LRRC28: variants seen among roughly 807,000 people sequenced by gnomAD.
LRRC28 encodes the protein leucine-rich repeat-containing protein 28.
In LRRC28, 39 loss-of-function variants were observed where a neutral mutation model predicts 45.7. That is an observed-to-expected ratio of 0.85 (90% CI 0.66 to 1.12). LRRC28 has a LOEUF of 1.12. LRRC28 is among the 50% of genes most tolerant of loss of function. The probability of loss-of-function intolerance (pLI) is 0.00; values close to 1 mark genes in which losing one functional copy is unlikely to be tolerated. For missense variants in LRRC28, 435 were observed against 438.5 expected, an observed-to-expected ratio of 0.99 and a Z score of 0.07; for synonymous variants, 206 against 178.8, an observed-to-expected ratio of 1.15 and a Z score of -1.22.
intron 6 of LRRC28, among the ~76,000 whole-genome samples, chr15:99,352,066 G>A (rs138451254): frequency 1.6e-3 from 240 of 152,290 alleles, no homozygotes; most frequent in African/African-American, 5.6e-3. Flanking sequence ...TCCCAAGTGA[G>A]GGGTTCTTGC....
Position 99,390,282 on chromosome 15 carries a change from T to C in LRRC28, c.*4180T>C, listed in dbSNP as rs780335760. On this transcript the variant is annotated 3_prime_UTR_variant, in exon 10 of 10. Coordinates refer to ENST00000301981, the MANE Select transcript of LRRC28 (RefSeq NM_144598.5). ...AGGAAAAGAGCTTGCTTCACAGCCT[T>C]TGAAGTATGACTGTATGTGTGGTCC... The C allele has an allele frequency of 2.0e-5, 3 of 152,200 alleles. No homozygotes were observed. Among genetic ancestry groups the C allele is most frequent in the Non-Finnish European group, 4.4e-5 (3 of 68,044 alleles). The allele number at this position is 152,200 out of a possible 1,614,324, so 9.4% of individuals were successfully genotyped here. A position where few individuals can be genotyped will look rare whatever the true frequency, so the allele number is the denominator to read the frequency against.
At chr15:99,352,187 T>C (rs893454700) in intron 6 of LRRC28, among the ~76,000 whole-genome samples, 182 bp from the exon 7 acceptor site, 2 of 152,300 alleles carry the variant, frequency 1.3e-5, no homozygotes, top group African/African-American at 4.8e-5. Context: ...AAAGAATCTG[T>C]ATCAAGGGGC....
chr15:99,296,575 G>T (rs994035777), intron 5 of LRRC28, among the ~76,000 whole-genome samples: 1 of 152,206 alleles, frequency 6.6e-6, no homozygotes, highest in Admixed American at 6.5e-5. Context: ...CTCTGGCAGA[G>T]CATCCTTCTG....
At chr15:99,328,855 T>C (rs1956069012) in intron 5 of LRRC28, among the ~76,000 whole-genome samples, 1 of 151,714 alleles carries the variant, frequency 6.6e-6, no homozygotes, top group Non-Finnish European at 1.5e-5. Context: ...AGGCTTTTGA[T>C]CTCAAACTGA....
chr15:99,334,094 C>T lies in LRRC28; in HGVS notation c.557C>T (p.Ser186Phe). 1 of 1,614,132 alleles carries T rather than the reference C, an allele frequency of 6.2e-7. No individual in the cohort carries two copies. The highest frequency in any genetic ancestry group is 8.5e-7 in the Non-Finnish European group (1 of 1,179,984). Reference sequence around the variant, plus strand: ...CAGCTGCCCAGCCTCAATGAGCTCTCCATGGCTGGAAACCGTCTTGCATTT... The same window carrying T: ...CAGCTGCCCAGCCTCAATGAGCTCTTCATGGCTGGAAACCGTCTTGCATTT... Reference protein sequence around the residue: ...LCQLPSLNELSMAGNRLAFLP... With the variant: ...LCQLPSLNELFMAGNRLAFLP... Residue 186 changes from serine (S) to phenylalanine (F), a missense_variant, in exon 6 of 10, where the codon TCC becomes TTC. Physicochemically the swap from Ser to Phe is radical, Grantham distance 155. Coordinates refer to ENST00000301981, the MANE Select transcript of LRRC28 (RefSeq NM_144598.5).
At chr15:99,322,480 A>G (rs1955833030) in intron 5 of LRRC28, among the ~76,000 whole-genome samples, 1 of 152,098 alleles carries the variant, frequency 6.6e-6, no homozygotes, top group Non-Finnish European at 1.5e-5. Context: ...TGGGGCCCTC[A>G]CCTACCTTTG....
rs1401485244 is a variant in LRRC28 at position 99,389,905 on chromosome 15, T to G, written c.*3803T>G. The G allele has an allele frequency of 6.6e-6, 1 of 152,126 alleles. No individual in the cohort carries two copies. Among genetic ancestry groups the G allele is most frequent in the Non-Finnish European group, 1.5e-5 (1 of 68,086 alleles). 9.4% of individuals were successfully genotyped at this position (152,126 alleles called of 1,614,324 possible). ...GCCGAGGAGGGCAGATCATCTGAGG[T>G]CAGGAGTTTGAGACCAGCCTGGCCA... On this transcript the variant is annotated 3_prime_UTR_variant, in exon 10 of 10. Coordinates refer to ENST00000301981, the MANE Select transcript of LRRC28 (RefSeq NM_144598.5).
chr15:99,311,479 C>A (rs1300054108), intron 5 of LRRC28, among the ~76,000 whole-genome samples: 1 of 151,972 alleles, frequency 6.6e-6, no homozygotes, highest in African/African-American at 2.4e-5. Flanking sequence ...AAATTTCTTC[C>A]TGTTGTTGAT....
chr15:99,311,130 T>G (rs113462698), intron 5 of LRRC28, among the ~76,000 whole-genome samples: 1 of 152,128 alleles, frequency 6.6e-6, no homozygotes, highest in African/African-American at 2.4e-5. Flanking sequence ...AGAAAAGATA[T>G]ATTTCAGCTA....
intron 5 of LRRC28, among the ~76,000 whole-genome samples, chr15:99,321,719 T>C (rs1955803942): frequency 6.6e-6 from 1 of 152,132 alleles, no homozygotes; most frequent in Non-Finnish European, 1.5e-5. Context: ...TGAGGTAGTT[T>C]AAGGAATACA....
intron 2 of LRRC28, chr15:99,258,662 GA>G (rs1162658642): frequency 1.5e-5 from 11 of 737,996 alleles, no homozygotes; most frequent in Non-Finnish European, 2.7e-5. Flanking sequence ...GACCATCCAA[GA>G]AGTAGAAGAT....
intron 7 of LRRC28, among the ~76,000 whole-genome samples, chr15:99,355,124 C>A (rs1021878176): frequency 2.6e-5 from 4 of 152,142 alleles, no homozygotes; most frequent in African/African-American, 7.2e-5. Flanking sequence ...TCATAAAATT[C>A]TTTTGTATTC....
chr15:99,267,368 A>G (rs1227050888), intron 2 of LRRC28, among the ~76,000 whole-genome samples: 2 of 152,220 alleles, frequency 1.3e-5, no homozygotes, highest in Non-Finnish European at 2.9e-5. Context: ...CTAAAAGAGC[A>G]TCATACAGCC....
intron 6 of LRRC28, among the ~76,000 whole-genome samples, chr15:99,337,564 GCTT>G (rs2152298798): frequency 6.6e-6 from 1 of 152,338 alleles, no homozygotes; most frequent in East Asian, 1.9e-4. Context: ...TTACAGAGTA[GCTT>G]CTTCTGTCTC....
At chr15:99,308,743 A>G (rs903308449) in intron 5 of LRRC28, among the ~76,000 whole-genome samples, 4 of 152,216 alleles carry the variant, frequency 2.6e-5, no homozygotes, top group South Asian at 2.1e-4. Context: ...TCTGCATAAC[A>G]AATTACCACA....
intron 5 of LRRC28, among the ~76,000 whole-genome samples, chr15:99,306,720 G>T (rs557748160): frequency 6.6e-6 from 1 of 152,302 alleles, no homozygotes; most frequent in South Asian, 2.1e-4. Flanking sequence ...TTATACCTTG[G>T]CTCTGGCACC....
At chr15:99,383,524 T>G (rs1333027047) in intron 9 of LRRC28, among the ~76,000 whole-genome samples, 2 of 152,220 alleles carry the variant, frequency 1.3e-5, no homozygotes, top group Non-Finnish European at 2.9e-5. Flanking sequence ...TCCAGAGGGA[T>G]CCACCAAGTG....
chr15:99,295,499 A>G (rs1033295613), intron 5 of LRRC28, among the ~76,000 whole-genome samples: 1 of 152,174 alleles, frequency 6.6e-6, no homozygotes, highest in African/African-American at 2.4e-5. Flanking sequence ...ACAAAGTCCA[A>G]TGGATGTTTG....
At chr15:99,263,696 G>A (rs530185184) in intron 2 of LRRC28, among the ~76,000 whole-genome samples, 1 of 152,176 alleles carries the variant, frequency 6.6e-6, no homozygotes, top group Non-Finnish European at 1.5e-5. Flanking sequence ...TAGCAGCATT[G>A]TAGAATGTTT....
Sources: allele counts gnomAD v4.1 joint callset (sites outside exome capture counted in the v4.1 genomes callset), GRCh38; gene constraint gnomAD v4.1.1; transcripts MANE v1.5; gene names NCBI Gene and HGNC (gene_info 2026-07-23, HGNC 2026-07-21).